RHBDL2: variants seen among roughly 807,000 people sequenced by gnomAD.
The protein encoded by RHBDL2 is rhomboid-related protein 2.
A neutral mutation model predicts 31.7 loss-of-function variants in RHBDL2; 26 were observed. The observed-to-expected ratio is 0.82, with a 90% CI of 0.60 to 1.14. RHBDL2 has a LOEUF of 1.14. Among genes scored for constraint, RHBDL2 ranks in the 50% most tolerant of loss-of-function variants. The pLI is 0.00. For missense variants in RHBDL2, 336 were observed against 364.4 expected (o/e 0.92, Z 0.63); for synonymous variants, 123 against 127.2 (o/e 0.97, Z 0.22).
At chr1:38,920,832 G>C (rs2124341087) in intron 1 of RHBDL2, among the ~76,000 whole-genome samples, 1 of 149,192 alleles carries the variant, frequency 6.7e-6, no homozygotes, top group South Asian at 2.1e-4. Flanking sequence ...AGCCAGGATG[G>C]TCTCGATCTC....
intron 3 of RHBDL2, 168 bp downstream of exon 3, chr1:38,915,394 C>T (rs1430622487): frequency 6.3e-6 from 4 of 632,066 alleles, no homozygotes; most frequent in Non-Finnish European, 8.1e-6. Context: ...ATGACTACAT[C>T]TCCTATGCCT....
chr1:38,927,129 A>G (rs1387855499), intron 1 of RHBDL2, among the ~76,000 whole-genome samples: 1 of 151,778 alleles, frequency 6.6e-6, no homozygotes, highest in Non-Finnish European at 1.5e-5. Context: ...CTTTATGTTG[A>G]AAAGAGCCTT....
intron 1 of RHBDL2, among the ~76,000 whole-genome samples, chr1:38,934,242 G>C (rs1235720227): frequency 1.3e-5 from 2 of 151,932 alleles, no homozygotes; most frequent in African/African-American, 2.4e-5. Context: ...CAGCTACTCA[G>C]GGGGCTGAGG....
At chr1:38,918,320 G>A (rs1009090261) in intron 2 of RHBDL2, among the ~76,000 whole-genome samples, 1 of 152,104 alleles carries the variant, frequency 6.6e-6, no homozygotes, top group African/African-American at 2.4e-5. Flanking sequence ...AGGCAGCCAT[G>A]GTTGGCCAGT....
In RHBDL2 at chr1:38,919,047, C is replaced by A. The variant is rs760049850; in HGVS notation, c.166G>T (p.Glu56Ter). 1 of 1,614,156 alleles carries A rather than the reference C, an allele frequency of 6.2e-7. No homozygotes were observed. The highest frequency in any genetic ancestry group is 8.5e-7 in the Non-Finnish European group (1 of 1,180,016). Reference protein sequence around the residue: ...HRIVSKWMLPEKSRGTYLERA... With the variant: ...HRIVSKWMLP ...TCCAAGTATGTTCCTCGGGACTTTT[C>A]GGGCAGCATCCATTTTGAGACAATC... Residue 56 changes from glutamate to a stop codon, truncating the protein, a stop_gained, in exon 2 of 8, where the codon GAA (glutamate) becomes TAA (stop). Coordinates refer to ENST00000372990, the MANE Select transcript of RHBDL2 (RefSeq NM_017821.5). LOFTEE classifies it high-confidence loss of function.
chr1:38,914,537 C>T (rs111540359), intron 3 of RHBDL2, among the ~76,000 whole-genome samples: 2,862 of 151,808 alleles, frequency 0.019, 103 homozygotes, highest in African/African-American at 0.065. Context: ...GCACTGTGCC[C>T]GGCCATGAAC....
intron 1 of RHBDL2, among the ~76,000 whole-genome samples, chr1:38,922,863 C>T (rs189540541): frequency 3.3e-5 from 5 of 152,078 alleles, no homozygotes; most frequent in Admixed American, 2.0e-4. Context: ...AGGCCGAGGT[C>T]GGTGGATCAC....
At chr1:38,903,340 A>G (rs887087012) in intron 4 of RHBDL2, among the ~76,000 whole-genome samples, 2 of 151,550 alleles carry the variant, frequency 1.3e-5, no homozygotes, top group Non-Finnish European at 2.9e-5. Context: ...GGGTTTCACT[A>G]TGTTGCCCAG....
At chr1:38,893,598 A>G (rs558534423) in intron 5 of RHBDL2, among the ~76,000 whole-genome samples, 2 of 152,298 alleles carry the variant, frequency 1.3e-5, no homozygotes, top group African/African-American at 4.8e-5. Context: ...ATGTTTCTTC[A>G]TCCTCTTTCC....
chr1:38,888,553 C>T (rs1014066061), intron 6 of RHBDL2, among the ~76,000 whole-genome samples: 4 of 152,106 alleles, frequency 2.6e-5, no homozygotes, highest in Admixed American at 1.3e-4. Flanking sequence ...AGTCATGCTG[C>T]TATTTGACAT....
intron 7 of RHBDL2, 21 bp from the exon 8 acceptor site, chr1:38,886,704 A>G: frequency 5.9e-6 from 9 of 1,520,472 alleles, no homozygotes; most frequent in Non-Finnish European, 8.0e-6. Context: ...AAGGAGGGAA[A>G]ATGGAAATAA....
At chr1:38,915,483 A>G (rs975994250) in intron 3 of RHBDL2, 79 bp downstream of exon 3, 10 of 1,423,834 alleles carry the variant, frequency 7.0e-6, no homozygotes, top group African/African-American at 5.7e-5. Context: ...CCTTATCAAT[A>G]ATAAAGCACT....
chr1:38,932,522 C>T (rs1189479016), intron 1 of RHBDL2, among the ~76,000 whole-genome samples: 4 of 152,150 alleles, frequency 2.6e-5, no homozygotes, highest in Non-Finnish European at 4.4e-5. Flanking sequence ...TGCAGTGGTA[C>T]GAACTCAGCT....
intron 1 of RHBDL2, chr1:38,929,402 T>C: frequency 1.6e-6 from 2 of 1,289,406 alleles, no homozygotes; most frequent in Non-Finnish European, 2.0e-6. Flanking sequence ...CACCTTCCCT[T>C]CTTCGCCTCA....
intron 3 of RHBDL2, among the ~76,000 whole-genome samples, chr1:38,914,646 A>T (rs1050971220): frequency 6.6e-6 from 1 of 152,142 alleles, no homozygotes; most frequent in East Asian, 1.9e-4. Flanking sequence ...TTAGACAACT[A>T]GGGGAACATG....
intron 5 of RHBDL2, among the ~76,000 whole-genome samples, chr1:38,895,640 C>T (rs958172735): frequency 6.6e-6 from 1 of 151,998 alleles, no homozygotes; most frequent in Non-Finnish European, 1.5e-5. Flanking sequence ...CCTGGCTCTA[C>T]AAACAATAAA....
In RHBDL2 at chr1:38,919,311, C is replaced by A. The variant is rs556582135; in HGVS notation, c.-99G>T. The A allele has an allele frequency of 3.1e-6, 5 of 1,603,714 alleles. No individual in the cohort carries two copies. Among genetic ancestry groups the A allele is most frequent in the Non-Finnish European group, 3.4e-6 (4 of 1,177,084 alleles). ...TGCCGCTCTTCCCTGGGCTGTCTGG[C>A]GCAACGACTGCTTTCCAAGGCCTTT... On this transcript the variant is annotated 5_prime_UTR_variant, in exon 2 of 8. Coordinates refer to ENST00000372990, the MANE Select transcript of RHBDL2 (RefSeq NM_017821.5).
intron 2 of RHBDL2, among the ~76,000 whole-genome samples, chr1:38,916,425 A>G (rs1643235984): frequency 6.6e-6 from 1 of 152,336 alleles, no homozygotes; most frequent in African/African-American, 2.4e-5. Flanking sequence ...CTGGGTAGAC[A>G]TGGCAGCTAA....
chr1:38,934,860 A>C (rs563274071), intron 1 of RHBDL2, among the ~76,000 whole-genome samples: 1 of 151,780 alleles, frequency 6.6e-6, no homozygotes, highest in East Asian at 1.9e-4. Flanking sequence ...TGAGAGACTG[A>C]GGCAGGAGAA....
Sources: allele counts gnomAD v4.1 joint callset (sites outside exome capture counted in the v4.1 genomes callset), GRCh38; gene constraint gnomAD v4.1.1; transcripts MANE v1.5; gene names NCBI Gene and HGNC (gene_info 2026-07-23, HGNC 2026-07-21).